Variants in MRPL54 observed in about 807,000 individuals in gnomAD.
MRPL54 encodes large ribosomal subunit protein mL54.
MRPL54 carries 12 observed loss-of-function variants against 15.6 expected under a neutral mutation model. The ratio of observed to expected loss-of-function variants is 0.77; its 90% CI spans 0.49 to 1.24. The LOEUF (loss-of-function observed/expected upper bound fraction) is 1.24, where lower values mean the gene tolerates loss of function less well. MRPL54 is among the 50% of genes most tolerant of loss of function. The probability of loss-of-function intolerance (pLI) is 0.00; values close to 1 mark genes in which losing one functional copy is unlikely to be tolerated. For synonymous variants in MRPL54, 91 were observed against 75.7 expected, an observed-to-expected ratio of 1.20 and a Z score of -1.05; for missense variants, 178 against 186.8, an observed-to-expected ratio of 0.95 and a Z score of 0.28.
intron 1 of MRPL54, among the ~76,000 whole-genome samples, chr19:3,764,111 C>G (rs1295186913): frequency 2.0e-5 from 3 of 151,802 alleles, no homozygotes; most frequent in South Asian, 2.1e-4. Flanking sequence ...GACGGAGTCT[C>G]GCTCTGTCGC....
chr19:3,765,664 A>C (rs1370073218), intron 2 of MRPL54, among the ~76,000 whole-genome samples: 2 of 152,084 alleles, frequency 1.3e-5, no homozygotes, highest in Non-Finnish European at 2.9e-5. Flanking sequence ...TTTGGGAGGC[A>C]AGGCGTTTGG....
intron 1 of MRPL54, among the ~76,000 whole-genome samples, 184 bp downstream of exon 1, chr19:3,763,002 C>G (rs931863876): frequency 6.6e-6 from 1 of 152,222 alleles, no homozygotes; most frequent in African/African-American, 2.4e-5. Flanking sequence ...GCGTCTGGCT[C>G]GGAGATACTG....
At chr19:3,762,860 A>T (rs1416339463) in intron 1 of MRPL54, 42 bp downstream of exon 1, 52 of 1,449,378 alleles carry the variant, frequency 3.6e-5, no homozygotes, top group Non-Finnish European at 4.8e-5. Flanking sequence ...CGGTGGGTGC[A>T]CTGAGGAATT....
chr19:3,765,138 GA>G, intron 1 of MRPL54, 27 bp from the exon 2 acceptor site: 1 of 1,589,816 alleles, frequency 6.3e-7, no homozygotes, highest in Non-Finnish European at 8.6e-7. Flanking sequence ...GGGCTGGGCT[GA>G]AATGACTCTC....
intron 2 of MRPL54, among the ~76,000 whole-genome samples, chr19:3,766,641 G>A (rs950232024): frequency 6.6e-6 from 1 of 152,256 alleles, no homozygotes; most frequent in Non-Finnish European, 1.5e-5. Context: ...CAGGAAGGAG[G>A]AAGTCAGGCA....
Position 3,767,367 on chromosome 19 carries a change from C to G in MRPL54, c.391C>G (p.Arg131Gly). The change falls in exon 3 of 3, where the codon CGG becomes GGG. Residue 131 changes from arginine to glycine, a missense_variant. By Grantham distance (125) the Arg-to-Gly change is moderately radical. Coordinates refer to ENST00000330133, the MANE Select transcript of MRPL54 (RefSeq NM_172251.3). The stretch of plus-strand genomic sequence containing the variant: ...GAAACAGAACATCTGGCGCCACAAC[C>G]GGCTGAGCAAGAACAAGAGGTTGTA... ...LRKQNIWRHN[R>G]LSKNKRL is the part of the protein sequence containing the mutation. The G allele has an allele frequency of 6.2e-7, 1 of 1,610,424 alleles. No homozygotes were observed. The highest frequency in any genetic ancestry group is 8.5e-7 in the Non-Finnish European group (1 of 1,178,642).
At chr19:3,764,005 A>G (rs2037175359) in intron 1 of MRPL54, among the ~76,000 whole-genome samples, 2 of 152,110 alleles carry the variant, frequency 1.3e-5, no homozygotes, top group African/African-American at 4.8e-5. Context: ...AGGCAGAAGG[A>G]TCACTTGAGC....
intron 2 of MRPL54, 34 bp from the exon 3 acceptor site, chr19:3,767,227 G>A (rs756566476): frequency 2.2e-5 from 36 of 1,601,104 alleles, no homozygotes; most frequent in Middle Eastern, 2.0e-4. Context: ...AGGGGTCACC[G>A]TGTAGCTCTG....
chr19:3,765,218 G>T lies in MRPL54; in HGVS notation c.171G>T (p.Lys57Asn), dbSNP rs1203519142. The change falls in exon 2 of 3, where the codon AAG becomes AAT. Residue 57 changes from lysine (K) to asparagine (N), a missense_variant. Transcript: ENST00000330133. ...GTGCAGTGACCAGCGAGGCCCTCAA[G>T]GACCCCGACGTATGCACAGATCCTG... ...GKGAVTSEALKDPDVCTDPVQ... is the reference protein window; with the variant it reads ...GKGAVTSEALNDPDVCTDPVQ... 1 of 1,613,728 alleles carries T rather than the reference G, an allele frequency of 6.2e-7. No homozygotes were observed. Among genetic ancestry groups the T allele is most frequent in the Non-Finnish European group, 8.5e-7 (1 of 1,179,876 alleles).
chr19:3,764,785 T>C (rs916844538), intron 1 of MRPL54, among the ~76,000 whole-genome samples: 2 of 151,114 alleles, frequency 1.3e-5, no homozygotes, highest in Non-Finnish European at 3.0e-5. Context: ...TCCCAACACT[T>C]TGGGAGGCCA....
At chr19:3,763,771 G>T (rs1214803731) in intron 1 of MRPL54, among the ~76,000 whole-genome samples, 1 of 152,088 alleles carries the variant, frequency 6.6e-6, no homozygotes, top group Non-Finnish European at 1.5e-5. Context: ...AATTAGTGGG[G>T]CATGGTGGCA....
At chr19:3,765,596 C>T (rs2037191434) in intron 2 of MRPL54, among the ~76,000 whole-genome samples, 1 of 152,108 alleles carries the variant, frequency 6.6e-6, no homozygotes, top group Non-Finnish European at 1.5e-5. Context: ...TAAGCAAATA[C>T]TTAAAAAAAA....
At chr19:3,764,379 G>A (rs1003556815) in intron 1 of MRPL54, among the ~76,000 whole-genome samples, 3 of 151,768 alleles carry the variant, frequency 2.0e-5, no homozygotes, top group African/African-American at 4.8e-5. Context: ...CGCCGCGCCC[G>A]GCCGGGCTGT....
chr19:3,763,852 CA>C (rs1455678329), intron 1 of MRPL54, among the ~76,000 whole-genome samples: 1 of 151,772 alleles, frequency 6.6e-6, no homozygotes, highest in Non-Finnish European at 1.5e-5. Flanking sequence ...GCGGAGGTTG[CA>C]GTGAGCCGAG....
In MRPL54 at chr19:3,764,751, G is replaced by A. The variant is rs371209854; in HGVS notation, c.119-415G>A. Among the ~76,000 whole-genome samples the A allele has an allele frequency of 1.0e-3, 156 of 151,574 alleles. 1 individual carries two copies. The highest frequency in any genetic ancestry group is 3.6e-3 in the African/African-American group (151 of 41,442). Reference sequence around the variant, plus strand: ...CTTTAAAAAAAAGTTTTGAGTGGCCGGGCGCGGTGGCTCACGCCTGTAATC... The same window carrying A: ...CTTTAAAAAAAAGTTTTGAGTGGCCAGGCGCGGTGGCTCACGCCTGTAATC... On this transcript the variant is annotated intron_variant, in intron 1 of 2. Transcript: ENST00000330133.
chr19:3,762,756 G>A lies in MRPL54; in HGVS notation c.56G>A (p.Trp19Ter), dbSNP rs2037162088. 3 of 1,610,206 alleles carry A rather than the reference G, an allele frequency of 1.9e-6. No homozygotes were observed. Among genetic ancestry groups the A allele is most frequent in the South Asian group, 2.2e-5 (2 of 90,944 alleles). ...CGGACGTGGGCCGGCTGGGGGGCCTGGGAGCTCCTAAACCCCGCCACTTCC... is the reference window on the plus strand; with the variant it reads ...CGGACGTGGGCCGGCTGGGGGGCCTAGGAGCTCCTAAACCCCGCCACTTCC... ...ATRTWAGWGAWELLNPATSGR... is the reference protein window; with the variant it reads ...ATRTWAGWGA Residue 19 changes from tryptophan to a stop codon, truncating the protein, a stop_gained, in exon 1 of 3, where the codon TGG becomes TAG. Transcript: ENST00000330133. LOFTEE classifies it high-confidence loss of function.
chr19:3,762,981 T>C (rs1311439187), intron 1 of MRPL54, among the ~76,000 whole-genome samples, 163 bp downstream of exon 1: 1 of 152,220 alleles, frequency 6.6e-6, no homozygotes, highest in Non-Finnish European at 1.5e-5. Context: ...CCAGCGCCGC[T>C]TGGAGCTCGG....
chr19:3,764,185 C>T (rs1366200545), intron 1 of MRPL54, among the ~76,000 whole-genome samples: 1 of 149,974 alleles, frequency 6.7e-6, no homozygotes, highest in African/African-American at 2.4e-5. Context: ...TGGGTTCACG[C>T]CATTCTCCTG....
chr19:3,765,601 A>T (rs918406681), intron 2 of MRPL54, among the ~76,000 whole-genome samples: 2 of 152,166 alleles, frequency 1.3e-5, no homozygotes, highest in African/African-American at 4.8e-5. Context: ...AAATACTTAA[A>T]AAAAATTTTT....
Sources: allele counts gnomAD v4.1 joint callset (sites outside exome capture counted in the v4.1 genomes callset), GRCh38; gene constraint gnomAD v4.1.1; transcripts MANE v1.5; gene names NCBI Gene and HGNC (gene_info 2026-07-23, HGNC 2026-07-21).